The following DST variants were observed in gnomAD, a reference collection of about 807,000 sequenced individuals.
The protein encoded by DST is dystonin, also known as bullous pemphigoid antigen.
DST carries 253 observed loss-of-function variants against 875.2 expected under a neutral mutation model. The observed-to-expected ratio is 0.29, with a 90% CI of 0.26 to 0.32. The LOEUF (loss-of-function observed/expected upper bound fraction) is 0.32, where lower values mean the gene tolerates loss of function less well. DST is among the 10% of genes least tolerant of loss of function. The pLI is 1.00. For missense variants in DST, 8,287 were observed against 9,111.6 expected, an observed-to-expected ratio of 0.91 and a Z score of 3.68; for synonymous variants, 3,124 against 3,197.1, an observed-to-expected ratio of 0.98 and a Z score of 0.77.
intron 47 of DST, 57 bp downstream of exon 47, chr6:56,597,683 T>C: frequency 1.9e-6 from 3 of 1,543,924 alleles, no homozygotes; most frequent in Non-Finnish European, 2.6e-6. Context: ...AGGTTATTTC[T>C]CTCTTTACCA....
chr6:56,935,196 A>C (rs906844697), intron 2 of DST, among the ~76,000 whole-genome samples: 1 of 152,226 alleles, frequency 6.6e-6, no homozygotes, highest in Non-Finnish European at 1.5e-5. Flanking sequence ...TCTCCCACCC[A>C]GAACAGCTGA....
chr6:56,658,762 G>A (rs1425873406), intron 10 of DST, among the ~76,000 whole-genome samples: 1 of 152,190 alleles, frequency 6.6e-6, no homozygotes, highest in Non-Finnish European at 1.5e-5. Flanking sequence ...GTAAGGCACT[G>A]AGAACAGCCA....
intron 5 of DST, among the ~76,000 whole-genome samples, chr6:56,706,445 T>A (rs1210751939): frequency 2.6e-5 from 4 of 152,230 alleles, no homozygotes; most frequent in Non-Finnish European, 5.9e-5. Flanking sequence ...ACTTCTCAAC[T>A]GTATTTCAGA....
chr6:56,486,651 T>C (rs2152430791), intron 87 of DST, among the ~76,000 whole-genome samples: 1 of 152,226 alleles, frequency 6.6e-6, no homozygotes, highest in Non-Finnish European at 1.5e-5. Flanking sequence ...AAAGAAATGC[T>C]GGGGCCAGAT....
At chr6:56,459,867 A>C (rs185288459) in intron 103 of DST, among the ~76,000 whole-genome samples, 1 of 152,270 alleles carries the variant, frequency 6.6e-6, no homozygotes, top group East Asian at 1.9e-4. Context: ...GAAGAGCCAA[A>C]ATCTTTCAGC....
chr6:56,563,301 T>G (rs1330847798), intron 55 of DST, among the ~76,000 whole-genome samples: 2 of 152,222 alleles, frequency 1.3e-5, no homozygotes, highest in Non-Finnish European at 2.9e-5. Flanking sequence ...AGATGGTACC[T>G]CATTGTGGTT....
At chr6:56,938,100 CTCTCTCTCTATA>C (rs1327326569) in intron 2 of DST, among the ~76,000 whole-genome samples, 405 of 28,098 alleles carry the variant, frequency 0.014, 1 homozygote, top group African/African-American at 0.028. Context: ...CTCTCTCTCT[CTCTCTCTCTATA>C]TATATATATA....
intron 61 of DST, chr6:56,542,811 T>C (rs1047939852): frequency 8.5e-5 from 13 of 152,450 alleles, no homozygotes; most frequent in African/African-American, 3.1e-4. Context: ...CACCATCTGC[T>C]GCGTCTCTGG....
At chr6:56,645,832 T>G in intron 15 of DST, 34 bp downstream of exon 15, 1 of 1,605,776 alleles carries the variant, frequency 6.2e-7, no homozygotes, top group Non-Finnish European at 8.5e-7. Flanking sequence ...CCCTCCCCAC[T>G]TGATATTCAT....
intron 99 of DST, 73 bp from the exon 100 acceptor site, chr6:56,464,829 G>T: frequency 8.6e-7 from 1 of 1,157,982 alleles, no homozygotes; most frequent in Non-Finnish European, 1.3e-6. Flanking sequence ...AAGTACAGTA[G>T]TTGAATATGC....
Position 56,895,953 on chromosome 6 carries a change from C to T in DST, c.417+4468G>A, listed in dbSNP as rs1252438745. ...AATCAGGCAGGGAGGTTGCAGTGAG[C>T]CGAGATGGCAGCAGTACCGTCCAGC... On this transcript the variant is annotated intron_variant, in intron 3 of 103. Coordinates refer to ENST00000680361, the MANE Select transcript of DST (RefSeq NM_001374736.1). 2.4e-4 allele frequency among the ~76,000 whole-genome samples: 13 copies of T among 53,258 alleles called. 1 individual carries two copies. The highest frequency in any genetic ancestry group is 1.5e-3 in the African/African-American group (11 of 7,540). 34.9% of individuals were successfully genotyped at this position (53,258 alleles called of 152,430 possible). A position where few individuals can be genotyped will look rare whatever the true frequency, so the allele number is the denominator to read the frequency against.
chr6:56,839,669 G>A (rs562794808), intron 4 of DST, among the ~76,000 whole-genome samples: 23 of 152,236 alleles, frequency 1.5e-4, no homozygotes, highest in South Asian at 1.2e-3. Flanking sequence ...CCGATTTACA[G>A]AGTAAAATGA....
At chr6:56,846,244 T>A (rs985642670) in intron 4 of DST, among the ~76,000 whole-genome samples, 2 of 152,236 alleles carry the variant, frequency 1.3e-5, no homozygotes, top group African/African-American at 4.8e-5. Flanking sequence ...TTCACTATTA[T>A]ATTTAATCAC....
chr6:56,587,312 C>T (rs900977105), intron 49 of DST, among the ~76,000 whole-genome samples: 10 of 152,022 alleles, frequency 6.6e-5, no homozygotes, highest in South Asian at 6.3e-4. Flanking sequence ...AGGGTATCAG[C>T]GATGGAAGAT....
In DST at chr6:56,517,586, A is replaced by C. The variant is rs2096618995; in HGVS notation, c.18164T>G (p.Ile6055Ser). ...CATCAATTTTTTTTCTGTTTCAGTA[A>C]TCCAGGATAACTCAGCATCAGCTGC... ...DQAADAELSW[I>S]TETEKKLMSL... Residue 6055 changes from isoleucine to serine, a missense_variant, in exon 70 of 104, where the codon ATT (isoleucine) becomes AGT (serine). Ile to Ser is a moderately radical substitution (Grantham distance 142, BLOSUM62 -2). Coordinates refer to ENST00000680361, the MANE Select transcript of DST (RefSeq NM_001374736.1). 5 of 1,613,162 alleles carry C rather than the reference A, an allele frequency of 3.1e-6. No homozygotes were observed. The highest frequency in any genetic ancestry group is 1.3e-5 in the African/African-American group (1 of 74,998).
intron 31 of DST, 118 bp from the exon 32 acceptor site, chr6:56,629,561 A>G (rs1386163270): frequency 1.3e-6 from 1 of 790,868 alleles, no homozygotes; most frequent in Non-Finnish European, 2.1e-6. Flanking sequence ...AGATAAAGGA[A>G]AGAATATCTT....
chr6:56,691,249 T>C (rs1181320908), intron 9 of DST, among the ~76,000 whole-genome samples: 1 of 152,214 alleles, frequency 6.6e-6, no homozygotes, highest in Non-Finnish European at 1.5e-5. Flanking sequence ...TCTTTTGCAC[T>C]AGGCTTTATG....
At chr6:56,843,457 C>T (rs867575627) in intron 4 of DST, 2 of 1,008,958 alleles carry the variant, frequency 2.0e-6, no homozygotes, top group African/African-American at 1.7e-5. Context: ...AGCAGCGCCA[C>T]GCCAAGCGGA....
chr6:56,709,666 G>A (rs1418746660), intron 5 of DST, among the ~76,000 whole-genome samples: 1 of 152,166 alleles, frequency 6.6e-6, no homozygotes, highest in Non-Finnish European at 1.5e-5. Context: ...TCATATGCCA[G>A]GGTATCCTTT....
Sources: gnomAD v4.1 joint callset for allele counts (sites outside exome capture counted in the v4.1 genomes callset) on GRCh38, gnomAD v4.1.1 for gene constraint, MANE v1.5 for transcripts, NCBI Gene and HGNC (gene_info 2026-07-23, HGNC 2026-07-21) for gene names.